Variants in CNTNAP2 observed in about 807,000 individuals in gnomAD.
The protein encoded by CNTNAP2 is contactin-associated protein-like 2.
A neutral mutation model predicts 155.2 loss-of-function variants in CNTNAP2; 98 were observed. That is an observed-to-expected ratio of 0.63 (90% CI 0.54 to 0.75). The LOEUF is 0.75. CNTNAP2 is among the 30% of genes least tolerant of loss of function. CNTNAP2 has a pLI of 0.00. For missense variants in CNTNAP2, 1,727 were observed against 1,688.1 expected, an observed-to-expected ratio of 1.02 and a Z score of -0.40; for synonymous variants, 651 against 631.2, an observed-to-expected ratio of 1.03 and a Z score of -0.47.
At chr7:146,702,365 A>G (rs1211062115) in intron 1 of CNTNAP2, among the ~76,000 whole-genome samples, 1 of 152,198 alleles carries the variant, frequency 6.6e-6, no homozygotes, top group Non-Finnish European at 1.5e-5. Context: ...AAAGCGTTCT[A>G]TAGAAAAAAT....
At chr7:146,125,896 A>G (rs1797629281) in intron 1 of CNTNAP2, among the ~76,000 whole-genome samples, 1 of 152,230 alleles carries the variant, frequency 6.6e-6, no homozygotes, top group South Asian at 2.1e-4. Flanking sequence ...GTCCTTTTCT[A>G]GAACTCCAGG....
intron 2 of CNTNAP2, among the ~76,000 whole-genome samples, chr7:146,825,370 G>A (rs974997061): frequency 1.3e-5 from 2 of 152,120 alleles, no homozygotes; most frequent in Non-Finnish European, 2.9e-5. Context: ...TGCCATCCAG[G>A]AACTAGGGTT....
chr7:147,607,178 T>C (rs1282019966), intron 12 of CNTNAP2, among the ~76,000 whole-genome samples: 1 of 152,132 alleles, frequency 6.6e-6, no homozygotes, highest in East Asian at 1.9e-4. Flanking sequence ...GAAAATTAAA[T>C]ACTTCCAGGG....
At position 147,938,975 on chromosome 7, in the gene CNTNAP2, T is replaced by C. The variant is rs188887550; in HGVS notation, c.2255+35254T>C. On this transcript the variant is annotated intron_variant, in intron 14 of 23. Transcript: ENST00000361727. ...AACTTTTATTCACAGCTTTCAATAT[T>C]AGATTTTTTAATATTAGATTTTAAT... Among the ~76,000 whole-genome samples the C allele has an allele frequency of 1.2e-3, 184 of 152,272 alleles. 1 individual carries two copies. The highest frequency in any genetic ancestry group is 4.2e-3 in the African/African-American group (174 of 41,556).
At chr7:146,390,366 A>G (rs1795522575) in intron 1 of CNTNAP2, among the ~76,000 whole-genome samples, 1 of 152,116 alleles carries the variant, frequency 6.6e-6, no homozygotes, top group South Asian at 2.1e-4. Flanking sequence ...CCACTAATGG[A>G]ACATATGGAC....
intron 8 of CNTNAP2, among the ~76,000 whole-genome samples, chr7:147,176,082 C>T (rs548745439): frequency 6.6e-6 from 1 of 152,078 alleles, no homozygotes; most frequent in Admixed American, 6.5e-5. Flanking sequence ...ACAGAAGTCC[C>T]GTACTCATAA....
intron 15 of CNTNAP2, among the ~76,000 whole-genome samples, chr7:148,066,492 T>A (rs543865315): frequency 6.6e-6 from 1 of 152,246 alleles, no homozygotes; most frequent in South Asian, 2.1e-4. Flanking sequence ...AATTCTTTTT[T>A]CTTTTTTTCT....
intron 1 of CNTNAP2, among the ~76,000 whole-genome samples, chr7:146,622,850 A>G (rs1019390780): frequency 5.3e-5 from 8 of 151,842 alleles, no homozygotes. Flanking sequence ...CCAGCTACTC[A>G]GGAGGCTGAG....
At chr7:147,738,746 C>T (rs1796902397) in intron 13 of CNTNAP2, among the ~76,000 whole-genome samples, 2 of 150,502 alleles carry the variant, frequency 1.3e-5, no homozygotes, top group African/African-American at 4.9e-5. Context: ...CTTCTGCCTC[C>T]TGGGTTCAGG....
At chr7:147,175,277 C>A (rs1270525312) in intron 8 of CNTNAP2, among the ~76,000 whole-genome samples, 1 of 151,052 alleles carries the variant, frequency 6.6e-6, no homozygotes, top group Admixed American at 6.6e-5. Context: ...TTTGTAACTC[C>A]TATATTCCCT....
chr7:146,616,013 AT>A (rs1799217815), intron 1 of CNTNAP2, among the ~76,000 whole-genome samples: 1 of 152,350 alleles, frequency 6.6e-6, no homozygotes, highest in African/African-American at 2.4e-5. Flanking sequence ...GGAAGTTAGA[AT>A]TTTAGTATGA....
At chr7:146,666,879 A>G (rs1800204770) in intron 1 of CNTNAP2, among the ~76,000 whole-genome samples, 1 of 152,072 alleles carries the variant, frequency 6.6e-6, no homozygotes, top group Admixed American at 6.5e-5. Flanking sequence ...TGTATTCTAG[A>G]TGTGAATCCC....
rs867047096 is a variant in CNTNAP2, at chr7:147,849,396, G to A, written c.2099-54169G>A. Among the ~76,000 whole-genome samples, 7 of 152,260 alleles carry A rather than the reference G, an allele frequency of 4.6e-5. No individual in the cohort carries two copies. In the South Asian group the frequency reaches 1.4e-3, roughly 32 times the overall value. On this transcript the variant is annotated intron_variant, in intron 13 of 23. Coordinates refer to ENST00000361727, the MANE Select transcript of CNTNAP2 (RefSeq NM_014141.6). ...ACAGGAGTGTAGACTTTTAGAACAT[G>A]ATCTGTTTCACTACAACTATTCTTG...
At chr7:147,623,185 G>C (rs111699916) in intron 12 of CNTNAP2, among the ~76,000 whole-genome samples, 10,584 of 152,076 alleles carry the variant, frequency 0.07, 1,017 homozygotes, top group African/African-American at 0.19. Context: ...TTTCCTCGAA[G>C]ATCTGGAACA....
chr7:147,742,324 C>T (rs1397492962), intron 13 of CNTNAP2, among the ~76,000 whole-genome samples: 1 of 152,224 alleles, frequency 6.6e-6, no homozygotes, highest in Non-Finnish European at 1.5e-5. Flanking sequence ...AATTGGCCTA[C>T]AATTTCCCTT....
At chr7:147,543,474 A>C (rs1011555253) in intron 11 of CNTNAP2, among the ~76,000 whole-genome samples, 9 of 152,230 alleles carry the variant, frequency 5.9e-5, no homozygotes, top group African/African-American at 2.2e-4. Context: ...GCCTGCTCCC[A>C]AAAATGACAC....
chr7:147,598,791 C>A (rs987321551), intron 12 of CNTNAP2, among the ~76,000 whole-genome samples: 3 of 152,006 alleles, frequency 2.0e-5, no homozygotes, highest in African/African-American at 4.8e-5. Flanking sequence ...GGGGCGGTTA[C>A]CCTCATGCTA....
At chr7:148,211,815 C>T (rs1388748000) in intron 18 of CNTNAP2, among the ~76,000 whole-genome samples, 1 of 152,148 alleles carries the variant, frequency 6.6e-6, no homozygotes, top group Non-Finnish European at 1.5e-5. Context: ...TTTGTGAAGT[C>T]TCCTGGCAAA....
chr7:146,625,491 T>C (rs1286958985), intron 1 of CNTNAP2, among the ~76,000 whole-genome samples: 1 of 152,060 alleles, frequency 6.6e-6, no homozygotes, highest in East Asian at 1.9e-4. Context: ...AGGCTTATTA[T>C]TTGAATCTCA....
Sources: gnomAD v4.1 joint callset for allele counts (sites outside exome capture counted in the v4.1 genomes callset) on GRCh38, gnomAD v4.1.1 for gene constraint, MANE v1.5 for transcripts, NCBI Gene and HGNC (gene_info 2026-07-23, HGNC 2026-07-21) for gene names.